The following HNF1A variants were observed in gnomAD, a reference collection of about 807,000 sequenced individuals.
HNF1A encodes HNF1 homeobox A.
A neutral mutation model predicts 62.2 loss-of-function variants in HNF1A; 21 were observed. The observed-to-expected ratio is 0.34, with a 90% CI of 0.24 to 0.49. HNF1A has a LOEUF of 0.49. HNF1A is among the 20% of genes least tolerant of loss of function. The pLI is 0.99. For synonymous variants in HNF1A, 374 were observed against 366.8 expected (o/e 1.02, Z -0.22); for missense variants, 687 against 832.3 (o/e 0.83, Z 2.15).
chr12:120,980,628 G>A (rs1028255813), intron 1 of HNF1A: 1 of 152,338 alleles, frequency 6.6e-6, no homozygotes, highest in African/African-American at 2.4e-5. Flanking sequence ...GGTGGGGGCA[G>A]GGGATGCTTT....
intron 1 of HNF1A, among the ~76,000 whole-genome samples, chr12:120,979,395 C>T (rs770379065): frequency 2.0e-5 from 3 of 152,236 alleles, no homozygotes; most frequent in African/African-American, 7.2e-5. Context: ...GGTGAGTTCA[C>T]AACTCAAATG....
chr12:120,987,807 TATC>T (rs1876596039), intron 1 of HNF1A, among the ~76,000 whole-genome samples: 1 of 152,010 alleles, frequency 6.6e-6, no homozygotes, highest in South Asian at 2.1e-4. Context: ...TCTATCTATC[TATC>T]TACGTGTTTG....
At position 121,001,229 on chromosome 12, in the gene HNF1A, T is replaced by C. The variant is rs77223470; in HGVS notation, c.*37T>C. 1.9e-6 allele frequency: 3 copies of C among 1,611,882 alleles called. No homozygotes were observed. The highest frequency in any genetic ancestry group is 2.2e-5 in the East Asian group (1 of 44,832). On this transcript the variant is annotated 3_prime_UTR_variant, in exon 10 of 10. Coordinates refer to ENST00000257555, the MANE Select transcript of HNF1A (RefSeq NM_000545.8). ...GGGCCCTGGGGCCTGTACTGCCTGC[T>C]TGGGGGGTGATGAGGGCAGCAGCCA...
chr12:121,000,879 G>T (rs1414906301), intron 9 of HNF1A, 186 bp from the exon 10 acceptor site: 1 of 752,198 alleles, frequency 1.3e-6, no homozygotes, highest in South Asian at 1.6e-5. Flanking sequence ...ATGGGCGGCC[G>T]TGGACCCTGG....
intron 1 of HNF1A, 112 bp downstream of exon 1, chr12:120,979,206 A>C: frequency 1.0e-6 from 1 of 1,001,070 alleles, no homozygotes; most frequent in Admixed American, 2.0e-5. Context: ...CCTTTAGCCT[A>C]GTTGCTGGGA....
rs2135855138 is a variant in HNF1A, at chr12:121,001,252, C to G, written c.*60C>G. Reference sequence around the variant, plus strand: ...GCTTGGGGGGTGATGAGGGCAGCAGCCAGCCCTGCCTGGAGGACCTGAGCC... The same window carrying G: ...GCTTGGGGGGTGATGAGGGCAGCAGGCAGCCCTGCCTGGAGGACCTGAGCC... On this transcript the variant is annotated 3_prime_UTR_variant, in exon 10 of 10. Coordinates refer to ENST00000257555, the MANE Select transcript of HNF1A (RefSeq NM_000545.8). 2 of 1,596,256 alleles carry G rather than the reference C, an allele frequency of 1.3e-6. No homozygotes were observed. Among genetic ancestry groups the G allele is most frequent in the African/African-American group, 1.3e-5 (1 of 74,728 alleles).
intron 1 of HNF1A, among the ~76,000 whole-genome samples, chr12:120,985,851 A>G (rs1365534629): frequency 5.3e-5 from 8 of 151,510 alleles, no homozygotes; most frequent in African/African-American, 1.5e-4. Context: ...TGGGTGTGGT[A>G]GCGCACACCT....
In HNF1A at chr12:121,002,141, G is replaced by A. The variant is rs182096296; in HGVS notation, c.*949G>A. On this transcript the variant is annotated 3_prime_UTR_variant, in exon 10 of 10. Coordinates refer to ENST00000257555, the MANE Select transcript of HNF1A (RefSeq NM_000545.8). The stretch of plus-strand genomic sequence containing the variant: ...AAGGCCCGAGCAGCTGAGCAGGGCC[G>A]GGGAACTGGCCAAGCTGAGGTGCCC... The A allele has an allele frequency of 6.0e-4, 312 of 516,910 alleles. No individual in the cohort carries two copies. The highest frequency in any genetic ancestry group is 5.2e-3 in the African/African-American group (278 of 53,364). The allele number at this position is 516,910 out of a possible 1,614,324, so 32.0% of individuals were successfully genotyped here. A position where few individuals can be genotyped will look rare whatever the true frequency, so the allele number is the denominator to read the frequency against.
At chr12:120,990,604 A>G (rs1169296) in intron 2 of HNF1A, among the ~76,000 whole-genome samples, 32,108 of 117,712 alleles carry the variant, frequency 0.27, 4,389 homozygotes, top group East Asian at 0.54. Flanking sequence ...GATGATAGGA[A>G]AGGGAGGAAA....
Position 121,000,921 on chromosome 12 carries a change from G to A in HNF1A, c.1769-144G>A, listed in dbSNP as rs1276647647. 4 of 1,146,224 alleles carry A rather than the reference G, an allele frequency of 3.5e-6. No individual in the cohort carries two copies. The Admixed American group carries it at 7.4e-5, about 21-fold the overall frequency. 71.0% of individuals were successfully genotyped at this position (1,146,224 alleles called of 1,614,324 possible). On this transcript the variant is annotated intron_variant, in intron 9 of 9. Coordinates refer to ENST00000257555, the MANE Select transcript of HNF1A (RefSeq NM_000545.8). ...GGCTCCCTTTGAAGAACCGAGGGTA[G>A]AGGTGTGACTTTGGGGTTCCTGTTA...
Position 120,997,682 on chromosome 12 carries a change from C to T in HNF1A, c.1501+17C>T, listed in dbSNP as rs1877184832. On this transcript the variant is annotated intron_variant, in intron 7 of 9. Transcript: ENST00000257555. ...GCCCCCACGGTGAGCGCCCTGTGCC[C>T]CACACAGCAGGAGATGATGATAGAG... 6.2e-6 allele frequency: 10 copies of T among 1,601,358 alleles called. No individual in the cohort carries two copies. The highest frequency in any genetic ancestry group is 8.5e-6 in the Non-Finnish European group (10 of 1,174,162).
At chr12:120,988,456 CCACCCATT>C (rs985076626) in intron 1 of HNF1A, among the ~76,000 whole-genome samples, 15 of 152,186 alleles carry the variant, frequency 9.9e-5, no homozygotes, top group Non-Finnish European at 2.1e-4. Context: ...ATCCGTCCAT[CCACCCATT>C]CATCCATTCA....
At chr12:120,995,364 C>T (rs943301355) in intron 4 of HNF1A, among the ~76,000 whole-genome samples, 1 of 151,048 alleles carries the variant, frequency 6.6e-6, no homozygotes, top group Non-Finnish European at 1.5e-5. Context: ...CCATCCACTG[C>T]ACTCCAACCA....
At position 120,978,860 on chromosome 12, in the gene HNF1A, G is replaced by C. The variant is rs137853247; in HGVS notation, c.92G>C (p.Gly31Ala). The C allele has an allele frequency of 1.2e-6, 2 of 1,613,474 alleles. No individual in the cohort carries two copies. Among genetic ancestry groups the C allele is most frequent in the Non-Finnish European group, 1.7e-6 (2 of 1,179,864 alleles). The change falls in exon 1 of 10, where the codon GGT becomes GCT. Residue 31 changes from glycine to alanine, a missense_variant. Physicochemically the swap from Gly to Ala is moderately conservative, Grantham distance 60. Coordinates refer to ENST00000257555, the MANE Select transcript of HNF1A (RefSeq NM_000545.8). ...AAAGAGGCACTGATCCAGGCACTGG[G>C]TGAGCCGGGGCCCTACCTCCTGGCT... ...LSKEALIQALGEPGPYLLAGE... is the reference protein window; with the variant it reads ...LSKEALIQALAEPGPYLLAGE...
intron 9 of HNF1A, chr12:121,000,508 C>T (rs1169306): frequency 0.32 from 58,020 of 179,720 alleles, 10,655 homozygotes; most frequent in Middle Eastern, 0.57. Context: ...ACAGAACCAA[C>T]AGATTTATTT....
Position 120,997,538 on chromosome 12 carries a change from C to G in HNF1A, c.1374C>G (p.Thr458=), listed in dbSNP as rs1565887102. 6.2e-7 allele frequency: 1 copy of G among 1,613,644 alleles called. No individual in the cohort carries two copies. Among genetic ancestry groups the G allele is most frequent in the Admixed American group, 1.7e-5 (1 of 60,028 alleles). The part of the protein sequence containing the change: ...VINSMGSSLT[T]LQPVQFSQPL... ...ACAGCATGGGCAGCAGCCTGACCAC[C>G]CTGCAGCCCGTCCAGTTCTCCCAGC... Residue 458 remains threonine (T), a synonymous_variant, in exon 7 of 10, where the codon ACC becomes ACG. Transcript: ENST00000257555.
rs1877167830 is a variant in HNF1A, at chr12:120,997,464, T to G, written c.1310-10T>G. 1 of 1,598,506 alleles carries G rather than the reference T, an allele frequency of 6.3e-7. No individual in the cohort carries two copies. Among genetic ancestry groups the G allele is most frequent in the African/African-American group, 1.3e-5 (1 of 74,722 alleles). ...GGGGGCCCAGCTGATTCCCTCCCCT[T>G]CCACTCCAGGCCTGGCCTCCACGCA... On this transcript the variant is annotated splice_polypyrimidine_tract_variant and intron_variant, in intron 6 of 9. Coordinates refer to ENST00000257555, the MANE Select transcript of HNF1A (RefSeq NM_000545.8).
At chr12:121,000,339 C>T (rs1882149) in intron 9 of HNF1A, 17,287 of 156,926 alleles carry the variant, frequency 0.11, 1,273 homozygotes, top group Admixed American at 0.24. Flanking sequence ...GTGTCCATGA[C>T]CACCCCCATT....
rs771466066 is a variant in HNF1A at position 120,978,712 on chromosome 12, T to C, written c.-57T>C. On this transcript the variant is annotated 5_prime_UTR_variant, in exon 1 of 10. Coordinates refer to ENST00000257555, the MANE Select transcript of HNF1A (RefSeq NM_000545.8). The stretch of plus-strand genomic sequence containing the variant: ...CGGCAGGCAAACGCAACCCACGCGG[T>C]GGGGGAGGCGGCTAGCGTGGTGGAC... 6.6e-7 allele frequency: 1 copy of C among 1,525,014 alleles called. No homozygotes were observed. The highest frequency in any genetic ancestry group is 9.1e-7 in the Non-Finnish European group (1 of 1,104,040). 94.5% of individuals were successfully genotyped at this position (1,525,014 alleles called of 1,614,324 possible).
Sources: gnomAD v4.1 joint callset for allele counts (sites outside exome capture counted in the v4.1 genomes callset) on GRCh38, gnomAD v4.1.1 for gene constraint, MANE v1.5 for transcripts, NCBI Gene and HGNC (gene_info 2026-07-23, HGNC 2026-07-21) for gene names.